FAM200A: variants seen among roughly 807,000 people sequenced by gnomAD.
FAM200A encodes the protein ZBED8 like.
A neutral mutation model predicts 44.2 loss-of-function variants in FAM200A; 26 were observed. The ratio of observed to expected loss-of-function variants is 0.59; its 90% CI spans 0.43 to 0.82. The LOEUF (loss-of-function observed/expected upper bound fraction) is 0.82, where lower values mean the gene tolerates loss of function less well. FAM200A is among the 40% of genes least tolerant of loss of function. The probability of loss-of-function intolerance (pLI) is 0.00; values close to 1 mark genes in which losing one functional copy is unlikely to be tolerated. For missense variants in FAM200A, 606 were observed against 669.5 expected (o/e 0.91, Z 1.05); for synonymous variants, 206 against 244.4 (o/e 0.84, Z 1.47).
intron 1 of FAM200A, among the ~76,000 whole-genome samples, chr7:99,549,957 G>A (rs1802490230): frequency 1.3e-5 from 2 of 151,910 alleles, no homozygotes; most frequent in Admixed American, 1.3e-4. Flanking sequence ...TAAATGATGA[G>A]TTAACGGGTG....
chr7:99,548,286 T>C lies in FAM200A; in HGVS notation c.122A>G (p.Asn41Ser), dbSNP rs766446205. 3.1e-6 allele frequency: 5 copies of C among 1,614,058 alleles called. No homozygotes were observed. The African/African-American group carries it at 5.3e-5, about 17-fold the overall frequency. Residue 41 changes from asparagine to serine, a missense_variant, in exon 2 of 2, where the codon AAC (asparagine) becomes AGC (serine). Asn to Ser is a conservative substitution (Grantham distance 46). Transcript: ENST00000449309. Reference sequence around the variant, plus strand: ...AACTTGTGGCGATGACTCTACTTTGTTTCTTTCCTTTTGAAAATGGTCTTC... The same window carrying C: ...AACTTGTGGCGATGACTCTACTTTGCTTCTTTCCTTTTGAAAATGGTCTTC... Reference protein sequence around the residue: ...DEEDHFQKERNKVESSPQVLS... With the variant: ...DEEDHFQKERSKVESSPQVLS...
chr7:99,553,831 A>G (rs1562927470), upstream of FAM200A, among the ~76,000 whole-genome samples: 3 of 152,282 alleles, frequency 2.0e-5, no homozygotes, highest in East Asian at 3.9e-4. Context: ...CCAAAACCCT[A>G]TCTGGCTAGC....
upstream of FAM200A, among the ~76,000 whole-genome samples, chr7:99,556,434 G>T (rs1802677332): frequency 6.6e-6 from 1 of 152,096 alleles, no homozygotes; most frequent in South Asian, 2.1e-4. Context: ...CTAATTTTCA[G>T]CTTAGCTAGA....
In FAM200A at chr7:99,548,270, C is replaced by A. The variant is rs369704420; in HGVS notation, c.138G>T (p.Ser46=). The stretch of plus-strand genomic sequence containing the variant: ...TTGTAGAGCGACTGAGAACTTGTGG[C>A]GATGACTCTACTTTGTTTCTTTCCT... The part of the protein sequence containing the change: ...FQKERNKVES[S]PQVLSRSTTM... Residue 46 remains serine (S), a synonymous_variant, in exon 2 of 2, where the codon TCG becomes TCT. Transcript: ENST00000449309. 3 of 1,613,724 alleles carry A rather than the reference C, an allele frequency of 1.9e-6. No homozygotes were observed. The Admixed American group carries it at 5.0e-5, about 27-fold the overall frequency.
In FAM200A at chr7:99,548,401, G is replaced by A. The variant is rs752464848; in HGVS notation, c.7C>T (p.Pro3Ser). The A allele has an allele frequency of 4.3e-6, 7 of 1,612,558 alleles. No individual in the cohort carries two copies. The South Asian group carries it at 7.7e-5, about 18-fold the overall frequency. The change falls in exon 2 of 2, where the codon CCT becomes TCT. Residue 3 changes from proline (P) to serine (S), a missense_variant. Coordinates refer to ENST00000449309, the MANE Select transcript of FAM200A (RefSeq NM_145111.4). ...AAATCTGTAGTATCCCTTGATTCAG[G>A]AGTCATTATTCAGGTTCCAGGAACT... The part of the protein sequence containing the change: MT[P>S]ESRDTTDLSP...
rs61740261 is a variant in FAM200A at position 99,547,771 on chromosome 7, C to T, written c.637G>A (p.Gly213Arg). ...WKHCKGISSD[G>R]TANMTGKHSR... Reference sequence around the variant, plus strand: ...TGTTTTCCGGTCATATTTGCTGTTCCATCACTTGAAATTCCTTTACAATGT... The same window carrying T: ...TGTTTTCCGGTCATATTTGCTGTTCTATCACTTGAAATTCCTTTACAATGT... The change falls in exon 2 of 2, where the codon GGA (glycine) becomes AGA (arginine). Residue 213 changes from glycine (G) to arginine (R), a missense_variant. Transcript: ENST00000449309. The T allele has an allele frequency of 3.9e-6, 6 of 1,551,616 alleles. No homozygotes were observed. In the African/African-American group the frequency reaches 6.8e-5, roughly 18 times the overall value.
At position 99,547,674 on chromosome 7, in the gene FAM200A, C is replaced by A. The variant is rs937143169; in HGVS notation, c.734G>T (p.Arg245Leu). Residue 245 changes from arginine (R) to leucine (L), a missense_variant, in exon 2 of 2, where the codon CGA (arginine) becomes CTA (leucine). Coordinates refer to ENST00000449309, the MANE Select transcript of FAM200A (RefSeq NM_145111.4). ...AATTTCTTTGGATACCAAAGCTTCTCGATGAATAAAACAGTGATTCCAAAC... is the reference window on the plus strand; with the variant it reads ...AATTTCTTTGGATACCAAAGCTTCTAGATGAATAAAACAGTGATTCCAAAC... ...NAVWNHCFIH[R>L]EALVSKEISP... 1.9e-6 allele frequency: 3 copies of A among 1,550,992 alleles called. No homozygotes were observed. Among genetic ancestry groups the A allele is most frequent in the Admixed American group, 2.0e-5 (1 of 50,912 alleles).
In FAM200A at chr7:99,547,454, G is replaced by A. The variant is rs552855063; in HGVS notation, c.954C>T (p.Asn318=). The A allele has an allele frequency of 9.7e-6, 15 of 1,551,298 alleles. No individual in the cohort carries two copies. Among genetic ancestry groups the A allele is most frequent in the South Asian group, 4.8e-5 (4 of 83,970 alleles). The change falls in exon 2 of 2, where the codon AAC becomes AAT. Residue 318 remains asparagine (N), a synonymous_variant. Transcript: ENST00000449309. Reference sequence around the variant, plus strand: ...TTTCAACGAGAAAAATGTAAATCTCGTTCCTGAGTTCATATACTCTGCTCA... The same window carrying A: ...TTTCAACGAGAAAAATGTAAATCTCATTCCTGAGTTCATATACTCTGCTCA... ...KVLSRVYELR[N]EIYIFLVEKQ...
chr7:99,551,735 T>C (rs1255896118), intron 1 of FAM200A, 119 bp downstream of exon 1: 1 of 818,308 alleles, frequency 1.2e-6, no homozygotes, highest in Non-Finnish European at 1.5e-6. Context: ...GGTCATTTTG[T>C]CCGCGCGTCT....
At chr7:99,553,417 T>C (rs536445409), upstream of FAM200A, among the ~76,000 whole-genome samples, 1 of 152,168 alleles carries the variant, frequency 6.6e-6, no homozygotes, top group Admixed American at 6.6e-5. Flanking sequence ...TGTATTTATG[T>C]TGTGTGTGTG....
chr7:99,548,172 G>A lies in FAM200A; in HGVS notation c.236C>T (p.Thr79Ile), dbSNP rs139116248. Residue 79 changes from threonine (T) to isoleucine (I), a missense_variant, in exon 2 of 2, where the codon ACA becomes ATA. By Grantham distance (89) the Thr-to-Ile change is moderately conservative (BLOSUM62 -1). Coordinates refer to ENST00000449309, the MANE Select transcript of FAM200A (RefSeq NM_145111.4). ...TGGAAGGATAATTTTTTCAGCCGCT[G>A]TGTGAGCCATTTTCTCTTTTGCCAC... Reference protein sequence around the residue: ...YRVAKEKMAHTAAEKIILPAC... With the variant: ...YRVAKEKMAHIAAEKIILPAC... 1 of 1,554,390 alleles carries A rather than the reference G, an allele frequency of 6.4e-7. No homozygotes were observed. Among genetic ancestry groups the A allele is most frequent in the Non-Finnish European group, 8.7e-7 (1 of 1,148,150 alleles).
Position 99,547,876 on chromosome 7 carries a change from A to T in FAM200A, c.532T>A (p.Leu178Ile). ...TCTAATCCAGTTATATGTGAATTTA[A>T]ATTTAAACAACATAAGAGATCCTCT... ...FVEDLLCCLNLNSHITGLDLF... is the reference protein window; with the variant it reads ...FVEDLLCCLNINSHITGLDLF... Residue 178 changes from leucine (L) to isoleucine (I), a missense_variant, in exon 2 of 2, where the codon TTA (leucine) becomes ATA (isoleucine). Transcript: ENST00000449309. 1 of 1,551,216 alleles carries T rather than the reference A, an allele frequency of 6.4e-7. No individual in the cohort carries two copies. The highest frequency in any genetic ancestry group is 1.7e-4 in the Middle Eastern group (1 of 5,992).
intron 1 of FAM200A, among the ~76,000 whole-genome samples, chr7:99,549,074 A>T (rs1584223597): frequency 1.9e-4 from 1 of 5,324 alleles, no homozygotes; most frequent in Non-Finnish European, 3.7e-4. Context: ...CTCAAAAAAA[A>T]AAAACAAAAA....
upstream of FAM200A, among the ~76,000 whole-genome samples, chr7:99,553,087 ATATATATATATAT>A (rs1802590333): frequency 3.1e-4 from 31 of 100,428 alleles, no homozygotes; most frequent in African/African-American, 1.7e-3. Flanking sequence ...ATATATATAT[ATATATATATATAT>A]TTTTTTTTTT....
Position 99,546,639 on chromosome 7 carries a change from G to T in FAM200A, c.*47C>A, listed in dbSNP as rs940739439. ...GTCTCCCACTGCTGGGATTACAGGC[G>T]TAAGCCACCACACCTGGCTATACAC... On this transcript the variant is annotated 3_prime_UTR_variant, in exon 2 of 2. Coordinates refer to ENST00000449309, the MANE Select transcript of FAM200A (RefSeq NM_145111.4). The T allele has an allele frequency of 1.1e-5, 16 of 1,456,286 alleles. No individual in the cohort carries two copies. Among genetic ancestry groups the T allele is most frequent in the Non-Finnish European group, 1.4e-5 (16 of 1,106,378 alleles). 90.2% of individuals were successfully genotyped at this position (1,456,286 alleles called of 1,614,324 possible).
Position 99,547,321 on chromosome 7 carries a change from C to T in FAM200A, c.1087G>A (p.Gly363Arg), listed in dbSNP as rs1196430747. Reference sequence around the variant, plus strand: ...TACTGAAATATATCATTGTTTTTCCCCTGCATTTTCAGGCTTAATTCATTA... The same window carrying T: ...TACTGAAATATATCATTGTTTTTCCTCTGCATTTTCAGGCTTAATTCATTA... Reference protein sequence around the residue: ...ILNELSLKMQGKNNDIFQYLE... With the variant: ...ILNELSLKMQRKNNDIFQYLE... Residue 363 changes from glycine (G) to arginine (R), a missense_variant, in exon 2 of 2, where the codon GGG becomes AGG. Coordinates refer to ENST00000449309, the MANE Select transcript of FAM200A (RefSeq NM_145111.4). The T allele has an allele frequency of 3.2e-6, 5 of 1,550,042 alleles. No homozygotes were observed. Among genetic ancestry groups the T allele is most frequent in the Non-Finnish European group, 4.4e-6 (5 of 1,146,472 alleles).
At chr7:99,548,755 G>A (rs1157623285) in intron 1 of FAM200A, among the ~76,000 whole-genome samples, 1 of 151,098 alleles carries the variant, frequency 6.6e-6, no homozygotes, top group Admixed American at 6.6e-5. Context: ...TAAAAGTTCA[G>A]AAAGATTAAA....
At chr7:99,552,201 C>T, upstream of FAM200A, 1 of 982,048 alleles carries the variant, frequency 1.0e-6, no homozygotes, top group Non-Finnish European at 1.2e-6. Flanking sequence ...CTTTGCATCC[C>T]TGTGTAGGGC....
At chr7:99,548,844 C>T (rs1383232886) in intron 1 of FAM200A, among the ~76,000 whole-genome samples, 1 of 146,232 alleles carries the variant, frequency 6.8e-6, no homozygotes, top group African/African-American at 2.5e-5. Flanking sequence ...TATGCTGCTA[C>T]ACTGCCAACT....
Sources: gnomAD v4.1 joint callset for allele counts (sites outside exome capture counted in the v4.1 genomes callset) on GRCh38, gnomAD v4.1.1 for gene constraint, MANE v1.5 for transcripts, NCBI Gene and HGNC (gene_info 2026-07-23, HGNC 2026-07-21) for gene names.